Variants in CSMD1 observed in about 807,000 individuals in gnomAD.
CSMD1 encodes CUB and Sushi multiple domains 1.
In CSMD1, 213 loss-of-function variants were observed where a neutral mutation model predicts 417.5. The observed-to-expected ratio is 0.51, with a 90% CI of 0.46 to 0.57. CSMD1 has a LOEUF of 0.57. Ranked by LOEUF, CSMD1 falls within the 20% of genes least tolerant of loss-of-function variation. CSMD1 has a pLI of 0.00. For missense variants in CSMD1, 6,923 were observed against 4,529.7 expected (o/e 1.53, Z -15.17); for synonymous variants, 2,862 against 1,736.8 (o/e 1.65, Z -16.11).
intron 5 of CSMD1, among the ~76,000 whole-genome samples, chr8:3,902,216 G>C (rs561143122): frequency 1.1e-3 from 171 of 152,228 alleles, no homozygotes; most frequent in Non-Finnish European, 1.9e-3. Flanking sequence ...CATTTTCTAT[G>C]ATTTTCAGCC....
chr8:3,540,398 C>A (rs1017418401), intron 10 of CSMD1, among the ~76,000 whole-genome samples: 2 of 152,152 alleles, frequency 1.3e-5, no homozygotes, highest in Non-Finnish European at 2.9e-5. Flanking sequence ...GGATTCAAGA[C>A]TTAAATGTAA....
chr8:4,580,917 A>C (rs1799384963), intron 2 of CSMD1, among the ~76,000 whole-genome samples: 1 of 152,220 alleles, frequency 6.6e-6, no homozygotes, highest in African/African-American at 2.4e-5. Flanking sequence ...CATCATCGGA[A>C]GTTCAATGCA....
chr8:4,834,876 A>ATG (rs1800370718), intron 1 of CSMD1, among the ~76,000 whole-genome samples: 4 of 143,596 alleles, frequency 2.8e-5, no homozygotes, highest in Non-Finnish European at 6.0e-5. Flanking sequence ...AGAAAGGCGG[A>ATG]AACCCGGGAG....
At chr8:4,395,983 T>A (rs936249924) in intron 3 of CSMD1, among the ~76,000 whole-genome samples, 1 of 152,212 alleles carries the variant, frequency 6.6e-6, no homozygotes, top group Admixed American at 6.5e-5. Context: ...TATATTCTGT[T>A]ACTTTTAAAA....
intron 3 of CSMD1, among the ~76,000 whole-genome samples, chr8:4,296,183 C>T (rs1038825696): frequency 6.6e-6 from 1 of 152,074 alleles, no homozygotes; most frequent in African/African-American, 2.4e-5. Context: ...TCCCTCCTGG[C>T]ACCTTAGTCC....
At chr8:3,918,798 T>TTC (rs1366509363) in intron 5 of CSMD1, among the ~76,000 whole-genome samples, 1 of 152,130 alleles carries the variant, frequency 6.6e-6, no homozygotes, top group Non-Finnish European at 1.5e-5. Context: ...ACATTTTATG[T>TTC]TCTCATTCAT....
chr8:3,813,374 A>C (rs1255687036), intron 5 of CSMD1, among the ~76,000 whole-genome samples: 1 of 152,172 alleles, frequency 6.6e-6, no homozygotes, highest in East Asian at 1.9e-4. Context: ...GAAGTAAATA[A>C]ACAGTCTAGG....
At chr8:3,489,927 G>A (rs948959653) in intron 11 of CSMD1, among the ~76,000 whole-genome samples, 1 of 152,158 alleles carries the variant, frequency 6.6e-6, no homozygotes, top group Non-Finnish European at 1.5e-5. Context: ...TGTAAAATGT[G>A]TGTCATGTGA....
At chr8:3,309,691 G>A (rs937186141) in intron 23 of CSMD1, among the ~76,000 whole-genome samples, 1 of 152,018 alleles carries the variant, frequency 6.6e-6, no homozygotes, top group East Asian at 1.9e-4. Context: ...AACTTTGAAT[G>A]CTTTCTTTTC....
intron 1 of CSMD1, among the ~76,000 whole-genome samples, chr8:4,959,163 T>C (rs932509297): frequency 2.0e-5 from 3 of 152,234 alleles, no homozygotes; most frequent in African/African-American, 7.2e-5. Flanking sequence ...CACATATCAC[T>C]GGTTTCTATG....
chr8:3,671,338 A>G (rs977175362), intron 7 of CSMD1, among the ~76,000 whole-genome samples: 3 of 148,192 alleles, frequency 2.0e-5, no homozygotes, highest in Admixed American at 1.4e-4. Context: ...AAATTATTAC[A>G]TGCTGTATTG....
intron 2 of CSMD1, among the ~76,000 whole-genome samples, chr8:4,543,673 A>G (rs1288784251): frequency 8.6e-5 from 1 of 11,612 alleles, no homozygotes; most frequent in Non-Finnish European, 2.0e-4. Flanking sequence ...TTAATTTTGA[A>G]AAAAAAAAAA....
rs146965683 is a variant in CSMD1 at position 4,563,662 on chromosome 8, C to T, written c.302+73680G>A. Reference sequence around the variant, plus strand: ...CATAAAACCTAAAAGTGATGTAAAACTTTACACATTACAAAATTTAAAGGA... The same window carrying T: ...CATAAAACCTAAAAGTGATGTAAAATTTTACACATTACAAAATTTAAAGGA... On this transcript the variant is annotated intron_variant, in intron 2 of 69. Transcript: ENST00000635120. Among the ~76,000 whole-genome samples, 34 of 152,268 alleles carry T rather than the reference C, an allele frequency of 2.2e-4. 1 individual carries two copies. The highest frequency in any genetic ancestry group is 6.5e-4 in the Admixed American group (10 of 15,302).
intron 5 of CSMD1, among the ~76,000 whole-genome samples, chr8:3,863,350 C>G (rs1173626651): frequency 1.4e-5 from 2 of 147,480 alleles, no homozygotes; most frequent in South Asian, 4.3e-4. Context: ...GAGTTGAGAT[C>G]GTGCCACTGC....
chr8:2,989,060 G>A (rs1806164821), intron 54 of CSMD1, among the ~76,000 whole-genome samples: 2 of 152,216 alleles, frequency 1.3e-5, no homozygotes, highest in African/African-American at 2.4e-5. Flanking sequence ...GGAAAAGAAT[G>A]CAAAGACAAC....
chr8:3,219,745 T>G (rs1563154926), intron 28 of CSMD1, among the ~76,000 whole-genome samples: 1 of 152,166 alleles, frequency 6.6e-6, no homozygotes, highest in Non-Finnish European at 1.5e-5. Context: ...TTCCGTGTAC[T>G]CATTAATTTG....
intron 1 of CSMD1, among the ~76,000 whole-genome samples, chr8:4,870,007 C>T (rs948481995): frequency 2.6e-5 from 4 of 151,996 alleles, no homozygotes; most frequent in African/African-American, 7.3e-5. Context: ...AACACATGTC[C>T]GTTTTTATGG....
chr8:3,272,332 A>T (rs1385013317), intron 26 of CSMD1, among the ~76,000 whole-genome samples: 1 of 147,560 alleles, frequency 6.8e-6, no homozygotes, highest in Non-Finnish European at 1.5e-5. Context: ...TGGTTACGGT[A>T]GCCTTGTAGC....
At chr8:4,132,804 G>A (rs771461837) in intron 3 of CSMD1, among the ~76,000 whole-genome samples, 1 of 152,166 alleles carries the variant, frequency 6.6e-6, no homozygotes, top group African/African-American at 2.4e-5. Context: ...TGAATGTAAA[G>A]AAGAATTGAT....
Sources: allele counts gnomAD v4.1 joint callset (sites outside exome capture counted in the v4.1 genomes callset), GRCh38; gene constraint gnomAD v4.1.1; transcripts MANE v1.5; gene names NCBI Gene and HGNC (gene_info 2026-07-23, HGNC 2026-07-21).